RPS6KA2: variants seen among roughly 807,000 people sequenced by gnomAD.
RPS6KA2 encodes ribosomal protein S6 kinase alpha-2.
Under a neutral mutation model 91.8 loss-of-function variants are expected in RPS6KA2, and 42 were observed. The observed-to-expected ratio is 0.46, with a 90% CI of 0.36 to 0.59. The LOEUF (loss-of-function observed/expected upper bound fraction) is 0.59, where lower values mean the gene tolerates loss of function less well. Ranked by LOEUF, RPS6KA2 falls within the 20% of genes least tolerant of loss-of-function variation. RPS6KA2 has a pLI of 0.00. For synonymous variants in RPS6KA2, 414 were observed against 393.6 expected (o/e 1.05, Z -0.61); for missense variants, 798 against 978.5 (o/e 0.82, Z 2.46).
intron 2 of RPS6KA2, among the ~76,000 whole-genome samples, chr6:166,683,785 C>T (rs1314507954): frequency 1.3e-5 from 2 of 152,214 alleles, no homozygotes; most frequent in African/African-American, 4.8e-5. Flanking sequence ...AGCTGAATCT[C>T]GTCCGACCAC....
At chr6:166,560,666 G>A (rs774256025) in intron 1 of RPS6KA2, among the ~76,000 whole-genome samples, 5 of 152,172 alleles carry the variant, frequency 3.3e-5, no homozygotes, top group Middle Eastern at 3.4e-3. Context: ...CCAAGGCCCC[G>A]CTTGGTGGGA....
At chr6:166,790,495 T>A (rs1190333001) in intron 2 of RPS6KA2, among the ~76,000 whole-genome samples, 1 of 151,958 alleles carries the variant, frequency 6.6e-6, no homozygotes, top group Non-Finnish European at 1.5e-5. Context: ...AACATTCAGA[T>A]TCAGGAAATA....
At chr6:166,848,142 C>G (rs1386064735) in intron 2 of RPS6KA2, among the ~76,000 whole-genome samples, 1 of 152,202 alleles carries the variant, frequency 6.6e-6, no homozygotes, top group Middle Eastern at 3.4e-3. Context: ...AAATGGCCAA[C>G]AAACATGGAA....
At position 166,498,096 on chromosome 6, in the gene RPS6KA2, AT is replaced by A. The variant is rs1781858742; in HGVS notation, c.747+411del. The stretch of plus-strand genomic sequence containing the variant: ...TGCCTGCGAAAACGCGACAGAGACA[AT>A]TCACATTTCCAGACGCTGATGCAAA... On this transcript the variant is annotated intron_variant, in intron 8 of 20. Transcript: ENST00000265678. 3.3e-5 allele frequency among the ~76,000 whole-genome samples: 5 copies of A among 152,236 alleles called. No individual in the cohort carries two copies. In the South Asian group the frequency reaches 8.3e-4, roughly 25 times the overall value.
In RPS6KA2 at chr6:166,825,509, ACTTAGCTACTTACCCTAGACTGGGTAG is replaced by A. The variant is rs370321416; in HGVS notation, c.123+32664_123+32690del. On this transcript the variant is annotated intron_variant, in intron 2 of 21. Transcript: ENST00000503859. The surrounding 1 kb of genome is among the most constrained non-coding windows in gnomAD (Gnocchi z 4.1). ...ATCATTATAGTCCCTTCAGGGTGCT[ACTTAGCTACTTACCCTAGACTGGGTAG>A]CTTAGCTACTTACCCTAGACTGGGT... 0.021 allele frequency among the ~76,000 whole-genome samples: 3,197 copies of A among 152,158 alleles called. 115 individuals carry two copies. Among genetic ancestry groups the A allele is most frequent in the African/African-American group, 0.072 (2,980 of 41,500 alleles).
At chr6:166,755,782 T>C (rs1206123574) in intron 2 of RPS6KA2, among the ~76,000 whole-genome samples, 1 of 152,226 alleles carries the variant, frequency 6.6e-6, no homozygotes, top group African/African-American at 2.4e-5. Context: ...TGTGACTTTA[T>C]TTAAATCAGA....
At chr6:166,643,415 G>C (rs1401418179) in intron 2 of RPS6KA2, among the ~76,000 whole-genome samples, 1 of 152,090 alleles carries the variant, frequency 6.6e-6, no homozygotes, top group East Asian at 1.9e-4. Flanking sequence ...CTAATGAAAA[G>C]AAGTAACATT....
chr6:166,532,655 C>T (rs1335623918), intron 2 of RPS6KA2, among the ~76,000 whole-genome samples: 2 of 152,282 alleles, frequency 1.3e-5, no homozygotes, highest in South Asian at 2.1e-4. Context: ...GCACCCCTAC[C>T]CGGGGTGCAG....
chr6:166,808,098 G>A (rs573357644), intron 2 of RPS6KA2, among the ~76,000 whole-genome samples: 33 of 152,012 alleles, frequency 2.2e-4, no homozygotes, highest in African/African-American at 7.2e-4. Context: ...GATGCACCTC[G>A]GGATGCAACA....
At chr6:166,551,000 A>C (rs932869272) in intron 1 of RPS6KA2, among the ~76,000 whole-genome samples, 1 of 151,188 alleles carries the variant, frequency 6.6e-6, no homozygotes, top group Non-Finnish European at 1.5e-5. Flanking sequence ...ATCTCAAAAA[A>C]AAAAAAAAAA....
intron 10 of RPS6KA2, among the ~76,000 whole-genome samples, chr6:166,480,479 T>TTATATATATATATAATATATATATATATA (rs1781157887): frequency 2.0e-4 from 20 of 99,856 alleles, no homozygotes; most frequent in African/African-American, 8.1e-4. Flanking sequence ...GATTGTGATT[T>TTATATATATATATAATATATATATATATA]TATATATATA....
intron 2 of RPS6KA2, among the ~76,000 whole-genome samples, chr6:166,720,539 A>C (rs1235101943): frequency 6.6e-6 from 1 of 152,208 alleles, no homozygotes; most frequent in Non-Finnish European, 1.5e-5. Context: ...TCTCCCCAAA[A>C]ATAAAAGTGT....
intron 2 of RPS6KA2, among the ~76,000 whole-genome samples, chr6:166,695,898 C>G (rs1789346291): frequency 6.6e-6 from 1 of 152,134 alleles, no homozygotes; most frequent in Non-Finnish European, 1.5e-5. Context: ...GCACTAGATT[C>G]TCACAGGAGC....
chr6:166,592,243 T>C (rs888737637), intron 1 of RPS6KA2, among the ~76,000 whole-genome samples: 1 of 152,200 alleles, frequency 6.6e-6, no homozygotes, highest in South Asian at 2.1e-4. Flanking sequence ...TTCTCTGCTC[T>C]ATGTGGAGTC....
chr6:166,448,633 A>G lies in RPS6KA2; in HGVS notation c.1332+91T>C. On this transcript the variant is annotated intron_variant, in intron 14 of 20. Transcript: ENST00000265678. The surrounding 1 kb of genome is among the most constrained non-coding windows in gnomAD (Gnocchi z 4.7). ...CGCTGCACTCACACAGGGCCCTGCTATGCTCCTATGCTCCGTGCTCCCACA... is the reference window on the plus strand; with the variant it reads ...CGCTGCACTCACACAGGGCCCTGCTGTGCTCCTATGCTCCGTGCTCCCACA... 7.1e-6 allele frequency: 10 copies of G among 1,414,854 alleles called. No individual in the cohort carries two copies. In the South Asian group the frequency reaches 1.3e-4, roughly 19 times the overall value. 87.6% of individuals were successfully genotyped at this position (1,414,854 alleles called of 1,614,324 possible).
In RPS6KA2 at chr6:166,510,552, CTCATATATATATATATAT is replaced by C. The variant is rs1338556693; in HGVS notation, c.299-213_299-196del. Among the ~76,000 whole-genome samples, 236 of 66,526 alleles carry C rather than the reference CTCATATATATATATATAT, an allele frequency of 3.5e-3. 6 individuals are homozygous for C. Among genetic ancestry groups the C allele is most frequent in the African/African-American group, 0.012 (228 of 18,274 alleles). The allele number at this position is 66,526 out of a possible 152,430, so 43.6% of individuals were successfully genotyped here. ...GTTTTAATACATTTGCTTTCTCTCTCTCATATATATATATATATATATATATATATATATATATATATA... is the reference window on the plus strand; with the variant it reads ...GTTTTAATACATTTGCTTTCTCTCTCATATATATATATATATATATATATA... On this transcript the variant is annotated intron_variant, in intron 3 of 20. Transcript: ENST00000265678.
At chr6:166,842,655 T>C (rs1056125975) in intron 2 of RPS6KA2, among the ~76,000 whole-genome samples, 1 of 152,200 alleles carries the variant, frequency 6.6e-6, no homozygotes, top group Non-Finnish European at 1.5e-5. Context: ...TCAAATCTCT[T>C]CTGTGAGCAT....
intron 2 of RPS6KA2, among the ~76,000 whole-genome samples, chr6:166,806,407 C>T (rs1335071386): frequency 6.6e-6 from 1 of 152,122 alleles, no homozygotes; most frequent in Non-Finnish European, 1.5e-5. Flanking sequence ...ACAGAGGGAT[C>T]CTCAAAAAAT....
intron 10 of RPS6KA2, among the ~76,000 whole-genome samples, chr6:166,479,573 AG>A (rs1167094618): frequency 6.6e-6 from 1 of 152,242 alleles, no homozygotes; most frequent in East Asian, 1.9e-4. Context: ...GCTAACCGCC[AG>A]GGGGTGGCCC....
Sources: gnomAD v4.1 joint callset for allele counts (sites outside exome capture counted in the v4.1 genomes callset) on GRCh38, gnomAD v4.1.1 for gene constraint, Gnocchi (gnomAD v3.1) non-coding constraint, MANE v1.5 for transcripts, NCBI Gene and HGNC (gene_info 2026-07-23, HGNC 2026-07-21) for gene names.